Variants in GLT1D1 observed in about 807,000 individuals in gnomAD.
The protein encoded by GLT1D1 is glycosyltransferase 1 domain-containing protein 1.
A neutral mutation model predicts 28.7 loss-of-function variants in GLT1D1; 21 were observed. The observed-to-expected ratio is 0.73, with a 90% CI of 0.52 to 1.05. The LOEUF is 1.05. Among genes scored for constraint, GLT1D1 ranks in the 50% least tolerant of loss-of-function variants. GLT1D1 has a pLI of 0.00. For missense variants in GLT1D1, 343 were observed against 330.6 expected (o/e 1.04, Z -0.29); for synonymous variants, 147 against 124.8 (o/e 1.18, Z -1.19).
In GLT1D1 at chr12:128,944,468, C is replaced by T. The variant is rs1353738102; in HGVS notation, c.376-858C>T. ...ATAACCATCTCTGGTTTATCATCCT[C>T]ACGCTGAATGAGCGGCTCCCCTGTC... is the stretch of plus-strand genomic sequence containing the variant. On this transcript the variant is annotated intron_variant, in intron 4 of 7. Transcript: ENST00000281703. 4 of 1,324,688 alleles carry T rather than the reference C, an allele frequency of 3.0e-6. No individual in the cohort carries two copies. The South Asian group carries it at 3.5e-5, about 12-fold the overall frequency. The allele number at this position is 1,324,688 out of a possible 1,614,324, so 82.1% of individuals were successfully genotyped here.
intron 4 of GLT1D1, among the ~76,000 whole-genome samples, chr12:128,908,477 T>G (rs1871175338): frequency 6.6e-6 from 1 of 151,570 alleles, no homozygotes; most frequent in Non-Finnish European, 1.5e-5. Context: ...CTTTCCTTCT[T>G]TCTTTTTTTC....
At chr12:128,874,102 C>T (rs12830772) in intron 1 of GLT1D1, among the ~76,000 whole-genome samples, 574 of 39,702 alleles carry the variant, frequency 0.014, 2 homozygotes, top group African/African-American at 0.029. Context: ...CTTTCTTTCT[C>T]TCTCTCTCTC....
intron 4 of GLT1D1, among the ~76,000 whole-genome samples, chr12:128,901,594 G>A (rs947191611): frequency 6.6e-5 from 10 of 151,354 alleles, no homozygotes; most frequent in Non-Finnish European, 8.8e-5. Context: ...CCACCACAAC[G>A]CCCTGCTAAT....
chr12:128,853,557 C>T lies in GLT1D1; in HGVS notation c.-25C>T, dbSNP rs1157003362. The stretch of plus-strand genomic sequence containing the variant: ...CCTGGTCGGCGGCGGCGGGGCCGGT[C>T]GATGGCCCGGGCGGCGGCGGCGGCA... On this transcript the variant is annotated 5_prime_UTR_variant, in exon 1 of 8. Transcript: ENST00000281703. 2.8e-6 allele frequency: 3 copies of T among 1,070,444 alleles called. No individual in the cohort carries two copies. Among genetic ancestry groups the T allele is most frequent in the African/African-American group, 3.4e-5 (2 of 58,614 alleles). The allele number at this position is 1,070,444 out of a possible 1,614,324, so 66.3% of individuals were successfully genotyped here.
chr12:128,887,036 G>C (rs1868472337), intron 2 of GLT1D1, among the ~76,000 whole-genome samples: 1 of 150,542 alleles, frequency 6.6e-6, no homozygotes, highest in Non-Finnish European at 1.5e-5. Flanking sequence ...TTTTGAGGCG[G>C]AGTCTCGCTC....
At chr12:128,941,633 G>A (rs1223051796) in intron 4 of GLT1D1, among the ~76,000 whole-genome samples, 1 of 142,490 alleles carries the variant, frequency 7.0e-6, no homozygotes, top group Non-Finnish European at 1.5e-5. Flanking sequence ...AGTGCAATGC[G>A]GTCATCTCGG....
Position 128,957,235 on chromosome 12 carries a change from G to A in GLT1D1, c.541-310G>A, listed in dbSNP as rs35499040. 1.2e-4 allele frequency among the ~76,000 whole-genome samples: 18 copies of A among 152,230 alleles called. 1 individual carries two copies. The highest frequency in any genetic ancestry group is 3.9e-4 in the African/African-American group (16 of 41,556). On this transcript the variant is annotated intron_variant, in intron 6 of 7. Coordinates refer to ENST00000281703, the MANE Select transcript of GLT1D1 (RefSeq NM_144669.3). Reference sequence around the variant, plus strand: ...TTAAAAATGCATGCTCCATGCGGTCGGTCGGTGAAGAGGTGTCAAATGAGC... The same window carrying A: ...TTAAAAATGCATGCTCCATGCGGTCAGTCGGTGAAGAGGTGTCAAATGAGC...
intron 7 of GLT1D1, among the ~76,000 whole-genome samples, chr12:128,960,086 G>A (rs371016103): frequency 2.6e-5 from 4 of 152,252 alleles, no homozygotes; most frequent in Non-Finnish European, 4.4e-5. Flanking sequence ...GCGAGTTACC[G>A]GCTTCCTGTG....
At chr12:128,932,198 C>T (rs1036008492) in intron 4 of GLT1D1, among the ~76,000 whole-genome samples, 2 of 152,084 alleles carry the variant, frequency 1.3e-5, no homozygotes, top group Admixed American at 6.6e-5. Context: ...TCCAGAGATC[C>T]CCCCTCTCCA....
chr12:128,875,448 G>T (rs1047120562), intron 1 of GLT1D1, among the ~76,000 whole-genome samples: 1 of 152,130 alleles, frequency 6.6e-6, no homozygotes, highest in African/African-American at 2.4e-5. Context: ...TTAAGGCAGG[G>T]TGCTTACAAA....
intron 7 of GLT1D1, among the ~76,000 whole-genome samples, chr12:128,980,244 G>A (rs1334757270): frequency 6.6e-6 from 1 of 152,182 alleles, no homozygotes; most frequent in East Asian, 1.9e-4. Flanking sequence ...TCAGCCCAGG[G>A]TGTGTCTGCG....
chr12:128,883,492 A>T (rs1274272707), intron 2 of GLT1D1, among the ~76,000 whole-genome samples: 1 of 150,422 alleles, frequency 6.6e-6, no homozygotes, highest in Non-Finnish European at 1.5e-5. Flanking sequence ...CGGGAGCCTG[A>T]GGCAGGAGAA....
chr12:128,900,421 G>C (rs570166678), intron 4 of GLT1D1, among the ~76,000 whole-genome samples: 1 of 152,186 alleles, frequency 6.6e-6, no homozygotes, highest in Admixed American at 6.5e-5. Flanking sequence ...GCAGAACCCA[G>C]TCATCTGTGG....
intron 7 of GLT1D1, among the ~76,000 whole-genome samples, chr12:128,959,168 A>G (rs1210402103): frequency 1.3e-5 from 2 of 151,822 alleles, no homozygotes; most frequent in Admixed American, 1.3e-4. Flanking sequence ...ATTAGGTTTT[A>G]CGCCTAACCA....
At chr12:128,892,084 C>T (rs893678147) in intron 3 of GLT1D1, among the ~76,000 whole-genome samples, 8 of 152,134 alleles carry the variant, frequency 5.3e-5, no homozygotes, top group Admixed American at 3.3e-4. Context: ...GACAAAAGGT[C>T]GCATTCTTTT....
At chr12:128,944,927 C>T (rs967756761) in intron 4 of GLT1D1, 53 of 509,900 alleles carry the variant, frequency 1.0e-4, no homozygotes, top group Middle Eastern at 5.3e-4. Context: ...AGGTATTTCT[C>T]GTAACGCTAT....
intron 4 of GLT1D1, among the ~76,000 whole-genome samples, chr12:128,902,085 G>A (rs1811553615): frequency 6.6e-6 from 1 of 151,692 alleles, no homozygotes; most frequent in Admixed American, 6.6e-5. Flanking sequence ...ATGACTCAGT[G>A]AACCAGTAGG....
At chr12:128,972,555 A>C (rs1424658424) in intron 7 of GLT1D1, among the ~76,000 whole-genome samples, 1 of 152,228 alleles carries the variant, frequency 6.6e-6, no homozygotes, top group East Asian at 1.9e-4. Flanking sequence ...GGGAGGAAAA[A>C]AACACAGAAA....
At chr12:128,874,117 T>TTC (rs1956799233) in intron 1 of GLT1D1, among the ~76,000 whole-genome samples, 2 of 67,972 alleles carry the variant, frequency 2.9e-5, no homozygotes, top group African/African-American at 1.4e-4. Flanking sequence ...TCTCTCTCTC[T>TTC]CTCTCTCTCT....
Sources: allele counts gnomAD v4.1 joint callset (sites outside exome capture counted in the v4.1 genomes callset), GRCh38; gene constraint gnomAD v4.1.1; transcripts MANE v1.5; gene names NCBI Gene and HGNC (gene_info 2026-07-23, HGNC 2026-07-21).